SOX5: variants seen among roughly 807,000 people sequenced by gnomAD.
SOX5 encodes the protein SRY-box transcription factor 5.
A neutral mutation model predicts 92.0 loss-of-function variants in SOX5; 9 were observed. The ratio of observed to expected loss-of-function variants is 0.10; its 90% CI spans 0.06 to 0.17. SOX5 has a LOEUF of 0.17. Ranked by LOEUF, SOX5 falls within the 10% of genes least tolerant of loss-of-function variation. SOX5 has a pLI of 1.00. For synonymous variants in SOX5, 344 were observed against 336.3 expected, an observed-to-expected ratio of 1.02 and a Z score of -0.25; for missense variants, 642 against 944.5, an observed-to-expected ratio of 0.68 and a Z score of 4.20.
intron 4 of SOX5, among the ~76,000 whole-genome samples, chr12:24,130,483 G>T (rs1164351414): frequency 6.6e-6 from 1 of 152,116 alleles, no homozygotes; most frequent in Non-Finnish European, 1.5e-5. Flanking sequence ...GCTAAACTTT[G>T]AAATCCTGCA....
chr12:23,592,162 G>A (rs1394624485), intron 9 of SOX5, among the ~76,000 whole-genome samples: 1 of 152,126 alleles, frequency 6.6e-6, no homozygotes, highest in Non-Finnish European at 1.5e-5. Context: ...TCGTGAAAAT[G>A]TGAGGTTATT....
chr12:23,608,376 T>G (rs2075540213), intron 8 of SOX5, among the ~76,000 whole-genome samples: 1 of 152,026 alleles, frequency 6.6e-6, no homozygotes, highest in Admixed American at 6.6e-5. Flanking sequence ...AGACAATGAG[T>G]TTTTAAGGAA....
intron 4 of SOX5, among the ~76,000 whole-genome samples, chr12:24,091,262 A>G (rs1218050633): frequency 6.6e-6 from 1 of 152,192 alleles, no homozygotes; most frequent in Non-Finnish European, 1.5e-5. Flanking sequence ...AGGATGAATG[A>G]AACATAATTA....
chr12:24,521,542 A>C (rs1411805691), intron 1 of SOX5, among the ~76,000 whole-genome samples: 1 of 152,246 alleles, frequency 6.6e-6, no homozygotes, highest in Admixed American at 6.5e-5. Flanking sequence ...TCTAGAGGAC[A>C]GATCACATGT....
At chr12:23,583,753 G>T (rs1214945628) in intron 9 of SOX5, among the ~76,000 whole-genome samples, 1 of 152,092 alleles carries the variant, frequency 6.6e-6, no homozygotes, top group Non-Finnish European at 1.5e-5. Flanking sequence ...ATGCTTTAGA[G>T]AAATTAAAGA....
At chr12:23,882,448 G>A (rs1452382188) in intron 2 of SOX5, among the ~76,000 whole-genome samples, 2 of 151,800 alleles carry the variant, frequency 1.3e-5, no homozygotes, top group East Asian at 1.9e-4. Context: ...TAGCCTTTAG[G>A]ATGTTCATGC....
intron 1 of SOX5, among the ~76,000 whole-genome samples, chr12:24,410,267 G>A (rs1367469403): frequency 6.6e-6 from 1 of 152,066 alleles, no homozygotes; most frequent in East Asian, 1.9e-4. Context: ...CAAAGTTCTG[G>A]GATTGCAGGA....
In SOX5 at chr12:24,055,021, A is replaced by T. The variant is rs1312050539; in HGVS notation, c.-2+158322T>A. On this transcript the variant is annotated intron_variant, in intron 4 of 4. Transcript: ENST00000446891. The stretch of plus-strand genomic sequence containing the variant: ...TACTTTTGAAATTCTGAACCTTGTG[A>T]GTCTATTCAAAAAAGCAACTTAACC... Among the ~76,000 whole-genome samples, 11 of 152,034 alleles carry T rather than the reference A, an allele frequency of 7.2e-5. 2 individuals carry two copies. Among genetic ancestry groups the T allele is most frequent in the Non-Finnish European group, 4.4e-5 (3 of 67,970 alleles).
chr12:24,307,237 C>G (rs913819406), intron 2 of SOX5, among the ~76,000 whole-genome samples: 2 of 152,122 alleles, frequency 1.3e-5, no homozygotes, highest in South Asian at 4.1e-4. Flanking sequence ...ATTATTTTTC[C>G]TATTTACTAG....
chr12:23,800,300 A>G (rs2095637877), intron 3 of SOX5, among the ~76,000 whole-genome samples: 1 of 152,224 alleles, frequency 6.6e-6, no homozygotes, highest in African/African-American at 2.4e-5. Context: ...TGGAGGGTAT[A>G]GTGATACTTT....
At chr12:24,375,820 C>A (rs1025230540) in intron 1 of SOX5, among the ~76,000 whole-genome samples, 5 of 151,958 alleles carry the variant, frequency 3.3e-5, no homozygotes, top group African/African-American at 1.2e-4. Flanking sequence ...ACTTTGACCC[C>A]AATAGATGTG....
At chr12:24,203,975 A>G in intron 4 of SOX5, among the ~76,000 whole-genome samples, 1 of 152,190 alleles carries the variant, frequency 6.6e-6, no homozygotes, top group Non-Finnish European at 1.5e-5. Context: ...AGTTCCAAAA[A>G]TCAGAACTAC....
intron 4 of SOX5, among the ~76,000 whole-genome samples, chr12:24,161,088 C>T (rs1952706631): frequency 6.6e-6 from 1 of 152,012 alleles, no homozygotes; most frequent in African/African-American, 2.4e-5. Flanking sequence ...GGGCTTAACT[C>T]CAGATGTTCC....
At chr12:24,330,121 T>C (rs958967621) in intron 2 of SOX5, among the ~76,000 whole-genome samples, 5 of 151,028 alleles carry the variant, frequency 3.3e-5, no homozygotes, top group African/African-American at 9.7e-5. Context: ...GAAGAAAACA[T>C]AAAATAAGAA....
At chr12:23,568,013 C>A (rs1947449797) in intron 10 of SOX5, among the ~76,000 whole-genome samples, 1 of 152,054 alleles carries the variant, frequency 6.6e-6, no homozygotes, top group African/African-American at 2.4e-5. Flanking sequence ...AAGATATATC[C>A]AAGTCCTAAA....
intron 4 of SOX5, among the ~76,000 whole-genome samples, chr12:24,018,543 C>T (rs1953929295): frequency 6.6e-6 from 1 of 152,116 alleles, no homozygotes. Flanking sequence ...TACCTGTAAT[C>T]CCAGTACTTT....
In SOX5 at chr12:24,016,428, C is replaced by T. The variant is rs983977702; in HGVS notation, c.-1-120404G>A. On this transcript the variant is annotated intron_variant, in intron 4 of 4. Transcript: ENST00000446891. ...GAGAACTAATGGTCCCAGGACTTAACCATAAATAACTACTGACTAAAAACC... is the reference window on the plus strand; with the variant it reads ...GAGAACTAATGGTCCCAGGACTTAATCATAAATAACTACTGACTAAAAACC... Among the ~76,000 whole-genome samples the T allele has an allele frequency of 2.0e-5, 3 of 152,070 alleles. No individual in the cohort carries two copies. The South Asian group carries it at 6.2e-4, about 32-fold the overall frequency.
intron 4 of SOX5, among the ~76,000 whole-genome samples, chr12:23,745,927 T>A (rs886391700): frequency 2.0e-5 from 3 of 152,186 alleles, no homozygotes; most frequent in African/African-American, 4.8e-5. Flanking sequence ...AAATAGCATA[T>A]GTATTGCATA....
At chr12:24,176,985 T>G (rs78443961) in intron 4 of SOX5, among the ~76,000 whole-genome samples, 33,197 of 150,696 alleles carry the variant, frequency 0.22, 5,034 homozygotes, top group East Asian at 0.81. Flanking sequence ...TTGTTTTTTT[T>G]TTTTTTTTTT....
Sources: gnomAD v4.1 joint callset for allele counts (sites outside exome capture counted in the v4.1 genomes callset) on GRCh38, gnomAD v4.1.1 for gene constraint, MANE v1.5 for transcripts, NCBI Gene and HGNC (gene_info 2026-07-23, HGNC 2026-07-21) for gene names.